FAM227B: variants seen among roughly 807,000 people sequenced by gnomAD.
FAM227B encodes protein FAM227B.
FAM227B carries 88 observed loss-of-function variants against 73.8 expected under a neutral mutation model. The ratio of observed to expected loss-of-function variants is 1.19; its 90% CI spans 1.00 to 1.42. The LOEUF is 1.42. FAM227B is among the 40% of genes most tolerant of loss of function. The pLI is 0.00. For synonymous variants in FAM227B, 210 were observed against 190.5 expected, an observed-to-expected ratio of 1.10 and a Z score of -0.84; for missense variants, 632 against 590.9, an observed-to-expected ratio of 1.07 and a Z score of -0.72.
At chr15:49,572,359 CT>C (rs887716259) in intron 8 of FAM227B, among the ~76,000 whole-genome samples, 8 of 151,876 alleles carry the variant, frequency 5.3e-5, no homozygotes, top group African/African-American at 1.9e-4. Flanking sequence ...TGGCTTTCTT[CT>C]TTTTTAATGT....
At chr15:49,358,173 G>A in intron 13 of FAM227B, among the ~76,000 whole-genome samples, 1 of 151,576 alleles carries the variant, frequency 6.6e-6, no homozygotes, top group East Asian at 1.9e-4. Flanking sequence ...TTTGAAAAGT[G>A]GCACAAGACA....
At chr15:49,540,571 C>T (rs544930389) in intron 10 of FAM227B, among the ~76,000 whole-genome samples, 2 of 152,272 alleles carry the variant, frequency 1.3e-5, no homozygotes, top group African/African-American at 4.8e-5. Flanking sequence ...TTATCTCTCC[C>T]ACTTCTTATA....
At position 49,500,674 on chromosome 15, in the gene FAM227B, A is replaced by G. The variant is rs546606596; in HGVS notation, c.1012+7537T>C. ...TAAAATTTCGGATAAGAGATTGACA[A>G]TTTCTTAAAATGTTATACATACGTG... On this transcript the variant is annotated intron_variant, in intron 11 of 15. Transcript: ENST00000299338. Among the ~76,000 whole-genome samples, 132 of 152,326 alleles carry G rather than the reference A, an allele frequency of 8.7e-4. 5 individuals carry two copies. In the South Asian group the frequency reaches 0.026, roughly 30 times the overall value.
intron 9 of FAM227B, among the ~76,000 whole-genome samples, chr15:49,554,322 C>A (rs962963107): frequency 6.6e-6 from 1 of 152,112 alleles, no homozygotes; most frequent in Non-Finnish European, 1.5e-5. Flanking sequence ...CACTATGTTG[C>A]GTGCACACTC....
chr15:49,523,831 TGAC>T (rs1164985378), intron 10 of FAM227B, among the ~76,000 whole-genome samples: 2 of 152,132 alleles, frequency 1.3e-5, no homozygotes, highest in African/African-American at 4.8e-5. Context: ...GGAGCAAAGG[TGAC>T]TCTTGTTATA....
At chr15:49,379,981 G>A (rs1444927873) in intron 11 of FAM227B, among the ~76,000 whole-genome samples, 3 of 152,220 alleles carry the variant, frequency 2.0e-5, no homozygotes, top group Admixed American at 2.0e-4. Context: ...TCAGGGTGTT[G>A]AGGTACCCCA....
chr15:49,328,776 T>A (rs2037994724), intron 15 of FAM227B, 101 bp from the exon 16 acceptor site: 1 of 129,402 alleles, frequency 7.7e-6, no homozygotes, highest in Admixed American at 4.3e-4. Context: ...GACTAAGGAT[T>A]TTTTTTTTTT....
intron 10 of FAM227B, among the ~76,000 whole-genome samples, chr15:49,521,482 T>C (rs942513391): frequency 2.6e-5 from 4 of 152,200 alleles, no homozygotes; most frequent in African/African-American, 9.6e-5. Flanking sequence ...GCTGTGGACA[T>C]AGCCAAGGCT....
At position 49,516,177 on chromosome 15, in the gene FAM227B, G is replaced by T. The variant is rs1381903613; in HGVS notation, c.875-7829C>A. 5.3e-5 allele frequency among the ~76,000 whole-genome samples: 8 copies of T among 151,988 alleles called. No homozygotes were observed. The South Asian group carries it at 1.7e-3, about 32-fold the overall frequency. ...TTGTTATTTTTTACATAGAGTAGGGGCTTTATCCCTTTCCTTCAGTGACTG... is the reference window on the plus strand; with the variant it reads ...TTGTTATTTTTTACATAGAGTAGGGTCTTTATCCCTTTCCTTCAGTGACTG... On this transcript the variant is annotated intron_variant, in intron 10 of 15. Coordinates refer to ENST00000299338, the MANE Select transcript of FAM227B (RefSeq NM_152647.3).
chr15:49,563,569 T>C (rs1191468993), intron 9 of FAM227B, among the ~76,000 whole-genome samples: 1 of 152,072 alleles, frequency 6.6e-6, no homozygotes, highest in Non-Finnish European at 1.5e-5. Flanking sequence ...TTCAGAGACA[T>C]CACATTACCT....
chr15:49,427,512 T>C (rs1000494586), intron 11 of FAM227B, among the ~76,000 whole-genome samples: 4 of 152,140 alleles, frequency 2.6e-5, no homozygotes, highest in Admixed American at 6.6e-5. Flanking sequence ...TTTGGAGGTC[T>C]TTTAAGTTAG....
intron 11 of FAM227B, among the ~76,000 whole-genome samples, chr15:49,422,143 A>AGAGAGAGAGAGAGAGAGAGG: frequency 7.2e-6 from 1 of 139,452 alleles, no homozygotes; most frequent in East Asian, 2.2e-4. Context: ...AGAGAGAGAG[A>AGAGAGAGAGAGAGAGAGAGG]GAGTGTGTGT....
chr15:49,350,060 G>C (rs1412240515), intron 13 of FAM227B, among the ~76,000 whole-genome samples: 3 of 152,108 alleles, frequency 2.0e-5, no homozygotes, highest in Non-Finnish European at 4.4e-5. Flanking sequence ...ACGTGACAAA[G>C]TAAAATACAG....
chr15:49,533,455 T>C (rs990605959), intron 10 of FAM227B, among the ~76,000 whole-genome samples: 6 of 151,906 alleles, frequency 3.9e-5, no homozygotes, highest in African/African-American at 1.2e-4. Context: ...TCTATCAATT[T>C]TTGAAAATAG....
At chr15:49,376,764 G>A (rs1348497057) in intron 11 of FAM227B, among the ~76,000 whole-genome samples, 20 of 151,764 alleles carry the variant, frequency 1.3e-4, no homozygotes, top group Admixed American at 1.3e-3. Flanking sequence ...ATTCATTTAG[G>A]TCTTCTATAC....
intron 11 of FAM227B, among the ~76,000 whole-genome samples, chr15:49,374,131 T>C (rs2046010307): frequency 6.6e-6 from 1 of 152,166 alleles, no homozygotes; most frequent in Non-Finnish European, 1.5e-5. Flanking sequence ...ATAAAGATAG[T>C]TGGTATCAAA....
chr15:49,335,088 T>C (rs935155149), intron 14 of FAM227B, among the ~76,000 whole-genome samples: 7 of 152,158 alleles, frequency 4.6e-5, no homozygotes, highest in African/African-American at 1.7e-4. Flanking sequence ...CTGCAGGGAA[T>C]TTTTCTGCTA....
intron 11 of FAM227B, among the ~76,000 whole-genome samples, chr15:49,451,297 GAAGA>G (rs2052712612): frequency 6.6e-6 from 1 of 151,926 alleles, no homozygotes. Flanking sequence ...TTTTGTGAGA[GAAGA>G]AATTATAAAA....
At chr15:49,372,550 G>A (rs1463014104) in intron 11 of FAM227B, among the ~76,000 whole-genome samples, 1 of 152,138 alleles carries the variant, frequency 6.6e-6, no homozygotes, top group Non-Finnish European at 1.5e-5. Flanking sequence ...AATACACCCA[G>A]ATAAGAGGAG....
Sources: gnomAD v4.1 joint callset for allele counts (sites outside exome capture counted in the v4.1 genomes callset) on GRCh38, gnomAD v4.1.1 for gene constraint, MANE v1.5 for transcripts, NCBI Gene and HGNC (gene_info 2026-07-23, HGNC 2026-07-21) for gene names.